The following PDE1B variants were observed in gnomAD, a reference collection of about 807,000 sequenced individuals.
PDE1B encodes the protein phosphodiesterase 1B.
A neutral mutation model predicts 66.7 loss-of-function variants in PDE1B; 13 were observed. The ratio of observed to expected loss-of-function variants is 0.19; its 90% confidence interval spans 0.13 to 0.31. The LOEUF (loss-of-function observed/expected upper bound fraction) is 0.31, where lower values mean the gene tolerates loss of function less well. PDE1B is among the 10% of genes least tolerant of loss of function. The pLI is 1.00. For synonymous variants in PDE1B, 230 were observed against 253.9 expected (o/e 0.91, Z 0.90); for missense variants, 485 against 682.3 (o/e 0.71, Z 3.22).
At chr12:54,550,928 G>T (rs1957269082) in intron 2 of PDE1B, among the ~76,000 whole-genome samples, 1 of 152,216 alleles carries the variant, frequency 6.6e-6, no homozygotes, top group Non-Finnish European at 1.5e-5. Flanking sequence ...CTCCCAGTCA[G>T]CTGCTGCCAT....
intron 6 of PDE1B, 58 bp from the exon 7 acceptor site, chr12:54,572,543 A>G: frequency 2.0e-6 from 3 of 1,519,162 alleles, no homozygotes; most frequent in Non-Finnish European, 2.7e-6. Flanking sequence ...CTCGGTCCGT[A>G]ATCACCACCA....
chr12:54,576,460 A>G, intron 13 of PDE1B, 111 bp from the exon 14 acceptor site: 1 of 1,285,132 alleles, frequency 7.8e-7, no homozygotes, highest in Non-Finnish European at 1.1e-6. Flanking sequence ...GAGGAAGATG[A>G]AGTTCCCTGA....
In PDE1B at chr12:54,575,841, G is replaced by A. The variant is rs754419941; in HGVS notation, c.1268-151G>A. On this transcript the variant is annotated intron_variant, in intron 12 of 15. Coordinates refer to ENST00000243052, the MANE Select transcript of PDE1B (RefSeq NM_000924.4). The surrounding 1 kb of genome is among the most constrained non-coding windows in gnomAD (Gnocchi z 4.0). Reference sequence around the variant, plus strand: ...TGGGGCACCAAGACATCATCCCAAAGCCTGCCCTGCATTGGGAAGTTTTCA... The same window carrying A: ...TGGGGCACCAAGACATCATCCCAAAACCTGCCCTGCATTGGGAAGTTTTCA... 51 of 748,558 alleles carry A rather than the reference G, an allele frequency of 6.8e-5. No homozygotes were observed. Among genetic ancestry groups the A allele is most frequent in the Non-Finnish European group, 1.1e-4 (48 of 425,958 alleles). The allele number at this position is 748,558 out of a possible 1,614,324, so 46.4% of individuals were successfully genotyped here. A position where few individuals can be genotyped will look rare whatever the true frequency, so the allele number is the denominator to read the frequency against.
chr12:54,567,774 G>C (rs1170507495), intron 3 of PDE1B, among the ~76,000 whole-genome samples: 2 of 152,022 alleles, frequency 1.3e-5, no homozygotes, highest in Non-Finnish European at 2.9e-5. Context: ...AATGTGGCAA[G>C]TATGAACTGA....
rs137936270 is a variant in PDE1B at position 54,573,158 on chromosome 12, C to T, written c.746C>T (p.Ser249Leu). ...TCTTTCCTCCTGTAGCACTGCCTGT[C>T]GGAGATTGAGCTCCTGGCCATCATC... is the stretch of plus-strand genomic sequence containing the variant. The part of the protein sequence containing the change: ...LLRTGMVHCL[S>L]EIELLAIIFA... Residue 249 changes from serine (S) to leucine (L), a missense_variant, in exon 8 of 16, where the codon TCG becomes TTG. Ser to Leu is a moderately radical substitution (Grantham distance 145). This residue lies in a region of PDE1B where 282 missense variants were observed against 453.4 expected (regional missense o/e 0.62). Coordinates refer to ENST00000243052, the MANE Select transcript of PDE1B (RefSeq NM_000924.4). This position sits in a 1 kb window ranked among gnomAD's most constrained non-coding sequence, Gnocchi z 5.2. The T allele has an allele frequency of 2.5e-6, 4 of 1,613,286 alleles. No homozygotes were observed. The highest frequency in any genetic ancestry group is 3.4e-6 in the Non-Finnish European group (4 of 1,179,286).
At chr12:54,568,391 A>G (rs937801406) in intron 3 of PDE1B, among the ~76,000 whole-genome samples, 34 of 150,094 alleles carry the variant, frequency 2.3e-4, no homozygotes, top group African/African-American at 8.4e-4. Context: ...GAATCTGGGG[A>G]GGTTGAGGTT....
intron 2 of PDE1B, among the ~76,000 whole-genome samples, chr12:54,556,046 CT>C (rs558380320): frequency 1.6e-4 from 25 of 152,170 alleles, no homozygotes; most frequent in Non-Finnish European, 3.4e-4. Context: ...CAAGGCGTGT[CT>C]TTTGCCTTCT....
At chr12:54,565,847 C>T (rs1336353482) in intron 2 of PDE1B, among the ~76,000 whole-genome samples, 1 of 152,148 alleles carries the variant, frequency 6.6e-6, no homozygotes, top group Admixed American at 6.5e-5. Flanking sequence ...CTCCCTCCCC[C>T]GGCATCCCTG....
At position 54,572,622 on chromosome 12, in the gene PDE1B, AG is replaced by A; in HGVS notation, c.617del (p.Ser206IlefsTer98). ...RFKIPTVFLM[S>X]FLDALETGYG... ...GCAGATTCCCACTGTGTTTTTGATG[AG>A]TTTCCTGGATGCCTTGGAGACAGGC... On this transcript the variant is annotated frameshift_variant, in exon 7 of 16. Transcript: ENST00000243052. LOFTEE classifies it high-confidence loss of function. 2 of 1,613,964 alleles carry A rather than the reference AG, an allele frequency of 1.2e-6. No individual in the cohort carries two copies. The highest frequency in any genetic ancestry group is 1.7e-6 in the Non-Finnish European group (2 of 1,179,872).
rs772837277 is a variant in PDE1B, at chr12:54,549,850, T to C, written c.-13-10T>C. ...GAGCCGAGGTGCTGTCTCCTCCTTC[T>C]GTTCCGTAGACCGTGGCTGAGCATG... On this transcript the variant is annotated splice_polypyrimidine_tract_variant and intron_variant, in intron 1 of 15. Coordinates refer to ENST00000243052, the MANE Select transcript of PDE1B (RefSeq NM_000924.4). 5 of 1,583,048 alleles carry C rather than the reference T, an allele frequency of 3.2e-6. No homozygotes were observed. The highest frequency in any genetic ancestry group is 4.3e-6 in the Non-Finnish European group (5 of 1,152,664).
chr12:54,573,615 C>T lies in PDE1B; in HGVS notation c.970C>T (p.Arg324Ter), dbSNP rs267603550. ...NLTKDEFVELRALVIEMVLAT... is the reference protein window; with the variant it reads ...NLTKDEFVEL ...CTTTTTATGTCCGCTCAGAGAACTC[C>T]GAGCCCTGGTCATTGAGATGGTGTT... The change falls in exon 10 of 16, where the codon CGA (arginine) becomes TGA (stop). Residue 324 changes from arginine to a stop codon, truncating the protein, a stop_gained. Transcript: ENST00000243052. LOFTEE classifies it high-confidence loss of function. The surrounding 1 kb of genome is among the most constrained non-coding windows in gnomAD (Gnocchi z 5.2). 5 of 1,613,642 alleles carry T rather than the reference C, an allele frequency of 3.1e-6. No homozygotes were observed. The highest frequency in any genetic ancestry group is 4.5e-5 in the East Asian group (2 of 44,868).
rs1455491824 is a variant in PDE1B at position 54,569,646 on chromosome 12, T to A, written c.477+34T>A. On this transcript the variant is annotated intron_variant, in intron 5 of 15. Transcript: ENST00000243052. This position sits in a 1 kb window ranked among gnomAD's most constrained non-coding sequence, Gnocchi z 4.4. ...TGGGTTTTTGGGAAAGAGGAGAAAG[T>A]TAGGGGATGGAATAGCCACTGGGAC... The A allele has an allele frequency of 6.8e-7, 1 of 1,474,114 alleles. No individual in the cohort carries two copies. Among genetic ancestry groups the A allele is most frequent in the Non-Finnish European group, 9.5e-7 (1 of 1,052,276 alleles). The allele number at this position is 1,474,114 out of a possible 1,614,324, so 91.3% of individuals were successfully genotyped here. A position where few individuals can be genotyped will look rare whatever the true frequency, so the allele number is the denominator to read the frequency against.
At chr12:54,577,606 G>T in intron 15 of PDE1B, 1 of 1,472,894 alleles carries the variant, frequency 6.8e-7, no homozygotes, top group Non-Finnish European at 9.0e-7. Context: ...CATGCCAGGT[G>T]ACAGCTAACC....
At chr12:54,554,750 C>G (rs920192779) in intron 2 of PDE1B, among the ~76,000 whole-genome samples, 11 of 152,302 alleles carry the variant, frequency 7.2e-5, no homozygotes, top group Non-Finnish European at 1.0e-4. Context: ...AGTTCACATT[C>G]TGCCCTAACA....
intron 2 of PDE1B, among the ~76,000 whole-genome samples, chr12:54,566,229 C>G (rs765482517): frequency 6.6e-6 from 1 of 152,284 alleles, no homozygotes; most frequent in Admixed American, 6.5e-5. Context: ...CACCCCACCA[C>G]TTTTATCCTG....
intron 2 of PDE1B, chr12:54,550,263 G>A: frequency 7.6e-7 from 1 of 1,321,294 alleles, no homozygotes; most frequent in Non-Finnish European, 9.7e-7. Flanking sequence ...CCTAGAGGCA[G>A]CACAGTATAT....
rs1194967133 is a variant in PDE1B at position 54,573,097 on chromosome 12, A to T, written c.736-51A>T. On this transcript the variant is annotated intron_variant, in intron 7 of 15. Transcript: ENST00000243052. The surrounding 1 kb of genome is among the most constrained non-coding windows in gnomAD (Gnocchi z 5.2). ...AGCCTGTGTGTGGAGGTTCCTGGGA[A>T]GTGACCAGCAGGCGTCACCCCTCTC... is the stretch of plus-strand genomic sequence containing the variant. 7.6e-7 allele frequency: 1 copy of T among 1,315,016 alleles called. No individual in the cohort carries two copies. Among genetic ancestry groups the T allele is most frequent in the Admixed American group, 1.7e-5 (1 of 59,578 alleles). 81.5% of individuals were successfully genotyped at this position (1,315,016 alleles called of 1,614,324 possible). A position where few individuals can be genotyped will look rare whatever the true frequency, so the allele number is the denominator to read the frequency against.
At chr12:54,570,441 T>C (rs1957596266) in intron 6 of PDE1B, 84 bp downstream of exon 6, 1 of 803,782 alleles carries the variant, frequency 1.2e-6, no homozygotes, top group African/African-American at 1.7e-5. Context: ...ACAAACAGAT[T>C]CCATAGATCC....
chr12:54,554,059 A>T (rs1263913605), intron 2 of PDE1B, among the ~76,000 whole-genome samples: 1 of 152,228 alleles, frequency 6.6e-6, no homozygotes. Flanking sequence ...GTATGTGTGT[A>T]TGTAGGTAAT....
Sources: gnomAD v4.1 joint callset for allele counts (sites outside exome capture counted in the v4.1 genomes callset) on GRCh38, gnomAD v4.1.1 for gene constraint, gnomAD v4.1.1 regional missense constraint, Gnocchi (gnomAD v3.1) non-coding constraint, MANE v1.5 for transcripts, NCBI Gene and HGNC (gene_info 2026-07-23, HGNC 2026-07-21) for gene names.